Variants in RBMS3 observed in about 807,000 individuals in gnomAD.
RBMS3 encodes RNA-binding motif, single-stranded-interacting protein 3.
In RBMS3, 27 loss-of-function variants were observed where a neutral mutation model predicts 66.8. The ratio of observed to expected loss-of-function variants is 0.40; its 90% CI spans 0.30 to 0.56. The LOEUF is 0.56. Among genes scored for constraint, RBMS3 ranks in the 20% least tolerant of loss-of-function variants. RBMS3 has a pLI of 0.40. For synonymous variants in RBMS3, 188 were observed against 183.0 expected (o/e 1.03, Z -0.22); for missense variants, 513 against 549.5 (o/e 0.93, Z 0.66).
intron 4 of RBMS3, among the ~76,000 whole-genome samples, chr3:29,619,101 G>A (rs533107869): frequency 6.6e-6 from 1 of 151,990 alleles, no homozygotes; most frequent in Non-Finnish European, 1.5e-5. Context: ...TTCACAATGA[G>A]AACACATGGA....
chr3:29,424,740 C>G (rs1231031931), intron 1 of RBMS3, among the ~76,000 whole-genome samples: 2 of 152,008 alleles, frequency 1.3e-5, no homozygotes, highest in Non-Finnish European at 2.9e-5. Context: ...TTTCGTTATA[C>G]GTAATTGGGA....
chr3:29,512,997 T>C (rs1227440686), intron 3 of RBMS3, among the ~76,000 whole-genome samples: 1 of 152,166 alleles, frequency 6.6e-6, no homozygotes, highest in Non-Finnish European at 1.5e-5. Flanking sequence ...GCTATTACCA[T>C]TTGTGCTATG....
intron 4 of RBMS3, among the ~76,000 whole-genome samples, chr3:29,681,502 C>G (rs2051493760): frequency 2.0e-5 from 2 of 100,726 alleles, no homozygotes; most frequent in East Asian, 2.7e-4. Context: ...TCTCCATCCC[C>G]CACACAATCC....
At chr3:29,392,420 T>C (rs2039343187) in intron 1 of RBMS3, among the ~76,000 whole-genome samples, 1 of 152,124 alleles carries the variant, frequency 6.6e-6, no homozygotes, top group African/African-American at 2.4e-5. Context: ...CTCATGAGAG[T>C]AGACTTTCTT....
chr3:29,495,417 C>CTTTTTTTTT (rs775377508), intron 3 of RBMS3, among the ~76,000 whole-genome samples: 1 of 111,884 alleles, frequency 8.9e-6, no homozygotes, highest in East Asian at 2.5e-4. Flanking sequence ...ATATTTCTTT[C>CTTTTTTTTT]TTTTTTTTTT....
At chr3:29,493,096 G>GA (rs1293537610) in intron 3 of RBMS3, among the ~76,000 whole-genome samples, 13 of 152,082 alleles carry the variant, frequency 8.5e-5, no homozygotes, top group Admixed American at 2.6e-4. Flanking sequence ...TCCTTACTAG[G>GA]AAAAAATATA....
chr3:29,478,142 C>G (rs919093820), intron 2 of RBMS3, among the ~76,000 whole-genome samples: 4 of 152,168 alleles, frequency 2.6e-5, no homozygotes, highest in African/African-American at 9.7e-5. Context: ...ACCTCATTAG[C>G]AACATATAAC....
chr3:29,722,609 C>T (rs1268980539), intron 4 of RBMS3, among the ~76,000 whole-genome samples: 4 of 151,990 alleles, frequency 2.6e-5, no homozygotes, highest in African/African-American at 7.2e-5. Context: ...ATGTTAGATT[C>T]GTAAGTCTCT....
chr3:29,815,410 T>C (rs528502521), intron 6 of RBMS3, among the ~76,000 whole-genome samples: 4 of 152,280 alleles, frequency 2.6e-5, no homozygotes, highest in East Asian at 1.9e-4. Flanking sequence ...CATTTCACCC[T>C]AGGAAACAAT....
At chr3:29,969,925 A>G (rs887338501) in intron 12 of RBMS3, among the ~76,000 whole-genome samples, 3 of 152,130 alleles carry the variant, frequency 2.0e-5, no homozygotes, top group Admixed American at 2.0e-4. Flanking sequence ...TAAGTCATTG[A>G]TCCCTCTTTT....
intron 1 of RBMS3, among the ~76,000 whole-genome samples, chr3:29,319,995 A>G (rs969506281): frequency 6.6e-6 from 1 of 152,046 alleles, no homozygotes; most frequent in African/African-American, 2.4e-5. Flanking sequence ...GGTGCTGACC[A>G]TAACAATGTT....
chr3:29,690,750 A>C (rs1360275684), intron 4 of RBMS3, among the ~76,000 whole-genome samples: 1 of 152,162 alleles, frequency 6.6e-6, no homozygotes, highest in African/African-American at 2.4e-5. Flanking sequence ...GTTTTGCCTA[A>C]ACAGTTTGAA....
At chr3:29,995,146 T>A (rs1699134251) in intron 14 of RBMS3, among the ~76,000 whole-genome samples, 1 of 152,184 alleles carries the variant, frequency 6.6e-6, no homozygotes, top group African/African-American at 2.4e-5. Context: ...CAGGAGCCGA[T>A]GCGATCAACT....
At position 29,936,146 on chromosome 3, in the gene RBMS3, G is replaced by C. The variant is rs1471297293; in HGVS notation, c.1000G>C (p.Gly334Arg). 8 of 1,613,188 alleles carry C rather than the reference G, an allele frequency of 5.0e-6. No homozygotes were observed. The highest frequency in any genetic ancestry group is 3.3e-4 in the Middle Eastern group (2 of 6,080). The change falls in exon 11 of 15, where the codon GGC (glycine) becomes CGC (arginine). Residue 334 changes from glycine (G) to arginine (R), a missense_variant. Coordinates refer to ENST00000383767, the MANE Select transcript of RBMS3 (RefSeq NM_001003793.3). ...GTCAATGCAGCCAGCCAACATGATG[G>C]GCCCACTGACACAGCAGATGAATCA... Reference protein sequence around the residue: ...PMSMQPANMMGPLTQQMNHLS... With the variant: ...PMSMQPANMMRPLTQQMNHLS...
intron 3 of RBMS3, among the ~76,000 whole-genome samples, chr3:29,552,576 C>T (rs1303391407): frequency 6.6e-6 from 1 of 152,116 alleles, no homozygotes; most frequent in African/African-American, 2.4e-5. Context: ...ACCGTCTTCT[C>T]TAAGCAAAAA....
chr3:29,741,252 T>C (rs2054630921), intron 5 of RBMS3, among the ~76,000 whole-genome samples: 1 of 152,328 alleles, frequency 6.6e-6, no homozygotes, highest in African/African-American at 2.4e-5. Context: ...ATGATTTGAA[T>C]AGAAATAAAC....
intron 3 of RBMS3, among the ~76,000 whole-genome samples, chr3:29,576,931 G>A (rs2047141913): frequency 6.6e-6 from 1 of 152,176 alleles, no homozygotes; most frequent in Admixed American, 6.5e-5. Context: ...ACTAGCCTAG[G>A]CCTAGACTTA....
intron 6 of RBMS3, among the ~76,000 whole-genome samples, chr3:29,832,605 A>T (rs944641561): frequency 3.3e-5 from 5 of 152,210 alleles, no homozygotes; most frequent in Admixed American, 1.3e-4. Context: ...AAAACAAGCA[A>T]GTAGTTAGTA....
chr3:29,658,682 G>A (rs954682748), intron 4 of RBMS3, among the ~76,000 whole-genome samples: 5 of 152,236 alleles, frequency 3.3e-5, no homozygotes, highest in Non-Finnish European at 5.9e-5. Flanking sequence ...CATTCATGCC[G>A]TAATTTGGTG....
Sources: allele counts gnomAD v4.1 joint callset (sites outside exome capture counted in the v4.1 genomes callset), GRCh38; gene constraint gnomAD v4.1.1; transcripts MANE v1.5; gene names NCBI Gene and HGNC (gene_info 2026-07-23, HGNC 2026-07-21).